The following PTCD3 variants were observed in gnomAD, a reference collection of about 807,000 sequenced individuals.
PTCD3 encodes pentatricopeptide repeat domain 3.
PTCD3 carries 89 observed loss-of-function variants against 101.9 expected under a neutral mutation model. The observed-to-expected ratio is 0.87, with a 90% CI of 0.74 to 1.04. PTCD3 has a LOEUF of 1.04. Ranked by LOEUF, PTCD3 falls within the 50% of genes least tolerant of loss-of-function variation. The pLI, the probability that PTCD3 is intolerant of heterozygous loss-of-function variation, is 0.00. For synonymous variants in PTCD3, 296 were observed against 278.5 expected (o/e 1.06, Z -0.63); for missense variants, 870 against 828.2 (o/e 1.05, Z -0.62).
intron 17 of PTCD3, chr2:86,132,875 G>T: frequency 5.1e-6 from 2 of 394,030 alleles, no homozygotes; most frequent in Non-Finnish European, 9.0e-6. Flanking sequence ...TGTTTTCTGT[G>T]TATCCAAATC....
rs941930694 is a variant in PTCD3 at position 86,140,168 on chromosome 2, C to T, written c.*2609C>T. 6.8e-6 allele frequency: 1 copy of T among 147,410 alleles called. No homozygotes were observed. The highest frequency in any genetic ancestry group is 1.5e-5 in the Non-Finnish European group (1 of 67,380). 9.1% of individuals were successfully genotyped at this position (147,410 alleles called of 1,614,324 possible). ...GCATATGACCGCCTAAGAAACAGAA[C>T]TTCGAGAAGTCCTAACGTAACCACA... On this transcript the variant is annotated 3_prime_UTR_variant, in exon 24 of 24. Coordinates refer to ENST00000254630, the MANE Select transcript of PTCD3 (RefSeq NM_017952.6).
chr2:86,128,270 T>TC (rs1674433886), intron 14 of PTCD3, among the ~76,000 whole-genome samples: 3 of 151,858 alleles, frequency 2.0e-5, no homozygotes, highest in African/African-American at 7.2e-5. Context: ...TGATTTTTTT[T>TC]TTTTTTTTTT....
chr2:86,111,049 C>A, intron 3 of PTCD3, 64 bp from the exon 4 acceptor site: 3 of 1,420,908 alleles, frequency 2.1e-6, no homozygotes, highest in Non-Finnish European at 3.0e-6. Context: ...AGAGTAGAAT[C>A]ACTTGTTCGG....
intron 4 of PTCD3, 96 bp from the exon 5 acceptor site, chr2:86,116,434 G>T: frequency 9.8e-7 from 1 of 1,015,768 alleles, no homozygotes; most frequent in Non-Finnish European, 1.5e-6. Flanking sequence ...CTACTTGGGA[G>T]GCTGAGGCAG....
intron 12 of PTCD3, 65 bp from the exon 13 acceptor site, chr2:86,127,096 G>T: frequency 7.1e-7 from 1 of 1,409,968 alleles, no homozygotes; most frequent in South Asian, 1.4e-5. Flanking sequence ...TACTTTGTAT[G>T]AAACATAGAT....
At position 86,141,409 on chromosome 2, in the gene PTCD3, TAAATC is replaced by T. The variant is rs1343115612; in HGVS notation, c.*3855_*3859del. ...ACGCCTTTTTATTTCCCTTCTGTGT[TAAATC>T]AAATGATCTGTTCTGCACTGAGCCA... is the stretch of plus-strand genomic sequence containing the variant. On this transcript the variant is annotated 3_prime_UTR_variant, in exon 24 of 24. Transcript: ENST00000254630. The T allele has an allele frequency of 2.0e-5, 3 of 152,284 alleles. No homozygotes were observed. Among genetic ancestry groups the T allele is most frequent in the Non-Finnish European group, 4.4e-5 (3 of 68,100 alleles). 9.4% of individuals were successfully genotyped at this position (152,284 alleles called of 1,614,324 possible). A position where few individuals can be genotyped will look rare whatever the true frequency, so the allele number is the denominator to read the frequency against.
intron 21 of PTCD3, chr2:86,136,025 T>G (rs1674578795): frequency 3.9e-6 from 2 of 519,162 alleles, no homozygotes; most frequent in Non-Finnish European, 7.7e-6. Context: ...AACAGAATTC[T>G]AAGACAGACT....
rs1252926901 is a variant in PTCD3, at chr2:86,134,875, A to G, written c.1666A>G (p.Lys556Glu). Residue 556 changes from lysine (K) to glutamate (E), a missense_variant, in exon 21 of 24, where the codon AAA becomes GAA. Coordinates refer to ENST00000254630, the MANE Select transcript of PTCD3 (RefSeq NM_017952.6). The stretch of plus-strand genomic sequence containing the variant: ...ATTTGCTGACTGTGCTGCTGATATC[A>G]AATCTGCGTATGAAAGCCAACCCAT... ...VAFADCAADI[K>E]SAYESQPIRQ... 2 of 1,614,044 alleles carry G rather than the reference A, an allele frequency of 1.2e-6. No individual in the cohort carries two copies. Among genetic ancestry groups the G allele is most frequent in the Non-Finnish European group, 1.7e-6 (2 of 1,180,020 alleles).
chr2:86,127,043 G>A, intron 12 of PTCD3, 118 bp from the exon 13 acceptor site: 2 of 864,908 alleles, frequency 2.3e-6, no homozygotes, highest in Non-Finnish European at 1.8e-6. Flanking sequence ...GAGGGATATA[G>A]TTACTAACCT....
In PTCD3 at chr2:86,137,468, G is replaced by C. The variant is rs749530016; in HGVS notation, c.1980-1G>C. 3 of 1,613,314 alleles carry C rather than the reference G, an allele frequency of 1.9e-6. No homozygotes were observed. The highest frequency in any genetic ancestry group is 2.5e-6 in the Non-Finnish European group (3 of 1,179,864). Reference sequence around the variant, plus strand: ...AATCCTCCATTTTCTTTTCTTAACAGGGAAGCCCTAAGTAATCTAACTGCA... The same window carrying C: ...AATCCTCCATTTTCTTTTCTTAACACGGAAGCCCTAAGTAATCTAACTGCA... On this transcript the variant is annotated splice_acceptor_variant, in intron 23 of 23. Transcript: ENST00000254630. LOFTEE classifies it high-confidence loss of function.
chr2:86,135,115 C>A, intron 21 of PTCD3, 128 bp downstream of exon 21: 2 of 1,186,046 alleles, frequency 1.7e-6, no homozygotes, highest in South Asian at 1.8e-5. Context: ...CTTGCAAATA[C>A]CAACTAAAAA....
chr2:86,106,495 C>T, intron 1 of PTCD3, 144 bp downstream of exon 1: 1 of 708,482 alleles, frequency 1.4e-6, no homozygotes, highest in East Asian at 2.7e-5. Context: ...ACCAGGTACG[C>T]GGAGGTGGCC....
At chr2:86,113,797 T>TC (rs1049703424) in intron 4 of PTCD3, among the ~76,000 whole-genome samples, 1 of 151,494 alleles carries the variant, frequency 6.6e-6, no homozygotes, top group Non-Finnish European at 1.5e-5. Flanking sequence ...TGAGACCCTG[T>TC]CCCCCCCGCC....
intron 4 of PTCD3, 123 bp from the exon 5 acceptor site, chr2:86,116,407 C>T: frequency 1.3e-6 from 1 of 761,142 alleles, no homozygotes; most frequent in South Asian, 1.8e-5. Flanking sequence ...TGTGGTGGCA[C>T]ACACCTGTAG....
intron 8 of PTCD3, among the ~76,000 whole-genome samples, chr2:86,123,134 C>T (rs1044154236): frequency 3.3e-5 from 5 of 152,028 alleles, no homozygotes; most frequent in South Asian, 2.1e-4. Flanking sequence ...TGGTGGCACG[C>T]GCCTGTAGTC....
At chr2:86,135,797 T>G (rs1674574510) in intron 21 of PTCD3, 1 of 432,920 alleles carries the variant, frequency 2.3e-6, no homozygotes, top group Non-Finnish European at 4.6e-6. Context: ...GCAACTATGC[T>G]GCTAGTGACA....
intron 14 of PTCD3, 33 bp from the exon 15 acceptor site, chr2:86,130,615 T>C (rs1241901100): frequency 1.9e-6 from 3 of 1,595,876 alleles, no homozygotes; most frequent in Non-Finnish European, 2.6e-6. Context: ...GTAAAGGAAG[T>C]GGATTAAACA....
At position 86,123,717 on chromosome 2, in the gene PTCD3, A is replaced by G. The variant is rs1674334613; in HGVS notation, c.671A>G (p.Glu224Gly). Residue 224 changes from glutamate to glycine, a missense_variant, in exon 9 of 24, where the codon GAG becomes GGG. Transcript: ENST00000254630. Reference protein sequence around the residue: ...QSEALEEENDETSRRKAGHQF... With the variant: ...QSEALEEENDGTSRRKAGHQF... ...TCATTTCAGGAAGAGGAAAATGATGAGACATCTAGGAGGAAAGCTGGTCAT... is the reference window on the plus strand; with the variant it reads ...TCATTTCAGGAAGAGGAAAATGATGGGACATCTAGGAGGAAAGCTGGTCAT... The G allele has an allele frequency of 6.3e-7, 1 of 1,595,368 alleles. No individual in the cohort carries two copies. The highest frequency in any genetic ancestry group is 1.4e-5 in the African/African-American group (1 of 74,030).
In PTCD3 at chr2:86,134,919, T is replaced by A; in HGVS notation, c.1710T>A (p.Asp570Glu). 1.2e-6 allele frequency: 2 copies of A among 1,614,172 alleles called. No individual in the cohort carries two copies. The highest frequency in any genetic ancestry group is 1.7e-6 in the Non-Finnish European group (2 of 1,180,024). The change falls in exon 21 of 24, where the codon GAT becomes GAA. Residue 570 changes from aspartate to glutamate, a missense_variant. By Grantham distance (45) the Asp-to-Glu change is conservative. Transcript: ENST00000254630. ...ESQPIRQTAQ[D>E]WPATSLNCIA... is the part of the protein sequence containing the mutation. The stretch of plus-strand genomic sequence containing the variant: ...AACCCATCAGACAGACTGCTCAGGA[T>A]TGGCCAGCCACCTCTCTCAACTGTA...
Sources: gnomAD v4.1 joint callset for allele counts (sites outside exome capture counted in the v4.1 genomes callset) on GRCh38, gnomAD v4.1.1 for gene constraint, MANE v1.5 for transcripts, NCBI Gene and HGNC (gene_info 2026-07-23, HGNC 2026-07-21) for gene names.